The following SNRK variants were observed in gnomAD, a reference collection of about 807,000 sequenced individuals.
The protein encoded by SNRK is SNF related kinase, also known as SNF-related serine/threonine-protein kinase.
In SNRK, 3 loss-of-function variants were observed where a neutral mutation model predicts 48.2. That is an observed-to-expected ratio of 0.06 (90% CI 0.03 to 0.16). The LOEUF (loss-of-function observed/expected upper bound fraction) is 0.16. Among genes scored for constraint, SNRK ranks in the 10% least tolerant of loss-of-function variants. SNRK has a pLI of 1.00. For missense variants in SNRK, 627 were observed against 976.0 expected (o/e 0.64, Z 4.76); for synonymous variants, 376 against 366.1 (o/e 1.03, Z -0.31).
chr3:43,299,717 G>A (rs769836241), intron 1 of SNRK, 37 bp from the exon 2 acceptor site: 2 of 152,538 alleles, frequency 1.3e-5, no homozygotes, highest in Non-Finnish European at 2.9e-5. Context: ...CAAACAAATA[G>A]AACTAAACCT....
At chr3:43,316,002 T>C (rs2091010813) in intron 3 of SNRK, among the ~76,000 whole-genome samples, 1 of 152,016 alleles carries the variant, frequency 6.6e-6, no homozygotes. Flanking sequence ...AATTAAAAAT[T>C]GATCTGGCAT....
intron 1 of SNRK, among the ~76,000 whole-genome samples, chr3:43,298,293 C>T (rs1006482332): frequency 1.3e-4 from 20 of 152,136 alleles, no homozygotes; most frequent in Admixed American, 6.5e-5. Context: ...TACTGTACTA[C>T]CGCACTGCTT....
intron 3 of SNRK, among the ~76,000 whole-genome samples, chr3:43,327,472 A>T (rs1364832337): frequency 6.6e-6 from 1 of 152,176 alleles, no homozygotes; most frequent in African/African-American, 2.4e-5. Flanking sequence ...TTCTAGTTCT[A>T]TTGCTTCTTT....
At chr3:43,342,732 C>T (rs1222528795) in intron 5 of SNRK, among the ~76,000 whole-genome samples, 1 of 152,194 alleles carries the variant, frequency 6.6e-6, no homozygotes, top group African/African-American at 2.4e-5. Flanking sequence ...GTCCCAGCAC[C>T]GTGTCTAGCC....
In SNRK at chr3:43,347,082, G is replaced by T; in HGVS notation, c.1080-257G>T. ...TATAGAAAAGATGGAGTAGCTCTTT[G>T]CCCTATTTTCTTTTCTGACACCTGT... On this transcript the variant is annotated intron_variant, in intron 6 of 6. Coordinates refer to ENST00000296088, the MANE Select transcript of SNRK (RefSeq NM_017719.5). The surrounding 1 kb of genome is among the most constrained non-coding windows in gnomAD (Gnocchi z 5.4). 2.4e-6 allele frequency: 1 copy of T among 411,164 alleles called. No homozygotes were observed. 25.5% of individuals were successfully genotyped at this position (411,164 alleles called of 1,614,324 possible). A position where few individuals can be genotyped will look rare whatever the true frequency, so the allele number is the denominator to read the frequency against.
At chr3:43,300,024 G>T (rs887836946) in intron 2 of SNRK, among the ~76,000 whole-genome samples, 1 of 152,070 alleles carries the variant, frequency 6.6e-6, no homozygotes, top group African/African-American at 2.4e-5. Context: ...CAGGAACAAG[G>T]ATATTTTTCG....
chr3:43,327,380 A>C (rs1453920650), intron 3 of SNRK, among the ~76,000 whole-genome samples: 1 of 152,240 alleles, frequency 6.6e-6, no homozygotes, highest in Non-Finnish European at 1.5e-5. Context: ...GTTGGAACTG[A>C]AAAGTGATTG....
chr3:43,293,173 G>A (rs1407321374), intron 1 of SNRK, among the ~76,000 whole-genome samples: 2 of 151,644 alleles, frequency 1.3e-5, no homozygotes, highest in African/African-American at 2.4e-5. Context: ...GGCTGATCTC[G>A]GCTCACTACA....
intron 1 of SNRK, among the ~76,000 whole-genome samples, chr3:43,293,287 C>T (rs964795050): frequency 3.3e-5 from 5 of 152,024 alleles, no homozygotes; most frequent in African/African-American, 1.2e-4. Flanking sequence ...CCCTCTTTCT[C>T]AGAGGAAGTA....
intron 6 of SNRK, among the ~76,000 whole-genome samples, chr3:43,344,137 ATT>A (rs1426243045): frequency 6.6e-6 from 1 of 152,004 alleles, no homozygotes; most frequent in Non-Finnish European, 1.5e-5. Context: ...TGCTGGGAAT[ATT>A]TTACCACCAT....
Position 43,289,971 on chromosome 3 carries a change from A to G in SNRK, c.-169+3296A>G, listed in dbSNP as rs139726340. ...AAAGCAAGATTAGGTCTATCTGCAC[A>G]TCTAAACACATACCCTCTTGACTAA... On this transcript the variant is annotated intron_variant, in intron 1 of 6. Transcript: ENST00000296088. Among the ~76,000 whole-genome samples, 478 of 152,356 alleles carry G rather than the reference A, an allele frequency of 3.1e-3. 1 individual carries two copies. The highest frequency in any genetic ancestry group is 0.011 in the African/African-American group (443 of 41,590).
Position 43,347,430 on chromosome 3 carries a change from C to T in SNRK, c.1171C>T (p.Pro391Ser), listed in dbSNP as rs56104180. 0.013 allele frequency: 21,051 copies of T among 1,614,010 alleles called. 171 individuals are homozygous for T. The highest frequency in any genetic ancestry group is 0.015 in the Non-Finnish European group (18,010 of 1,179,972). The part of the protein sequence containing the change: ...PLSHATVPQS[P>S]ARAADSVLNG... ...GTCCCACGCGACTGTCCCTCAGTCT[C>T]CTGCTCGGGCTGCTGACAGTGTCCT... The change falls in exon 7 of 7, where the codon CCT (proline) becomes TCT (serine). Residue 391 changes from proline (P) to serine (S), a missense_variant. Around this residue, in one of 4 missense-constraint regions of SNRK, gnomAD observed 175 missense variants for 209.7 expected, o/e 0.83. Transcript: ENST00000296088. This position sits in a 1 kb window ranked among gnomAD's most constrained non-coding sequence, Gnocchi z 5.4.
chr3:43,340,540 G>T (rs1319106228), intron 5 of SNRK, 41 bp downstream of exon 5: 2 of 1,569,732 alleles, frequency 1.3e-6, no homozygotes, highest in East Asian at 2.2e-5. Flanking sequence ...ACAGGTTTAG[G>T]ATTCTTGGAA....
In SNRK at chr3:43,348,329, C is replaced by T; in HGVS notation, c.2070C>T (p.Ser690=). The T allele has an allele frequency of 1.2e-6, 2 of 1,612,004 alleles. No individual in the cohort carries two copies. The highest frequency in any genetic ancestry group is 1.7e-6 in the Non-Finnish European group (2 of 1,178,932). The change falls in exon 7 of 7, where the codon AGC becomes AGT. Residue 690 remains serine (S), a synonymous_variant. Coordinates refer to ENST00000296088, the MANE Select transcript of SNRK (RefSeq NM_017719.5). The stretch of plus-strand genomic sequence containing the variant: ...AATCTACGTGGAAAATGTGCATTAG[C>T]TCCACAGGGAATGCAGGGCAGGTCC... The part of the protein sequence containing the change: ...QEKSTWKMCI[S]STGNAGQVPA...
intron 3 of SNRK, among the ~76,000 whole-genome samples, chr3:43,324,111 G>A (rs965469033): frequency 2.6e-5 from 4 of 152,224 alleles, no homozygotes; most frequent in Non-Finnish European, 4.4e-5. Flanking sequence ...AATCAGGCCA[G>A]TATACATTGA....
chr3:43,309,460 TTCTTG>T (rs2090962428), intron 3 of SNRK, among the ~76,000 whole-genome samples: 1 of 152,148 alleles, frequency 6.6e-6, no homozygotes, highest in African/African-American at 2.4e-5. Flanking sequence ...GCAAACTTCA[TTCTTG>T]TCTTATTTTA....
At chr3:43,328,130 A>AGG (rs1277682999) in intron 3 of SNRK, among the ~76,000 whole-genome samples, 1 of 152,094 alleles carries the variant, frequency 6.6e-6, no homozygotes, top group East Asian at 1.9e-4. Context: ...GATCTTTAAT[A>AGG]TGAAGAGACA....
At chr3:43,300,542 T>G (rs1047821662) in intron 2 of SNRK, among the ~76,000 whole-genome samples, 1 of 152,074 alleles carries the variant, frequency 6.6e-6, no homozygotes, top group African/African-American at 2.4e-5. Flanking sequence ...CAGACTTGGG[T>G]GGAATTTTAA....
chr3:43,343,490 A>G lies in SNRK; in HGVS notation c.1079+12A>G, dbSNP rs770471002. The G allele has an allele frequency of 1.2e-6, 2 of 1,606,402 alleles. No homozygotes were observed. The highest frequency in any genetic ancestry group is 2.2e-5 in the East Asian group (1 of 44,854). On this transcript the variant is annotated intron_variant, in intron 6 of 6. Transcript: ENST00000296088. ...AAGGCCCAGTTTAGGTGAGAAAAAA[A>G]TCTTCACTGATTTTAGTAAGTTTAA...
Sources: gnomAD v4.1 joint callset for allele counts (sites outside exome capture counted in the v4.1 genomes callset) on GRCh38, gnomAD v4.1.1 for gene constraint, gnomAD v4.1.1 regional missense constraint, Gnocchi (gnomAD v3.1) non-coding constraint, MANE v1.5 for transcripts, NCBI Gene and HGNC (gene_info 2026-07-23, HGNC 2026-07-21) for gene names.